Variants in GSAP observed in about 807,000 individuals in gnomAD.
GSAP encodes the protein gamma-secretase activating protein.
A neutral mutation model predicts 131.7 loss-of-function variants in GSAP; 118 were observed. That is an observed-to-expected ratio of 0.90 (90% CI 0.77 to 1.04). The LOEUF (loss-of-function observed/expected upper bound fraction) is 1.04, where lower values mean the gene tolerates loss of function less well. GSAP is among the 50% of genes least tolerant of loss of function. The pLI is 0.00. For synonymous variants in GSAP, 381 were observed against 363.4 expected, an observed-to-expected ratio of 1.05 and a Z score of -0.55; for missense variants, 1,019 against 1,013.2, an observed-to-expected ratio of 1.01 and a Z score of -0.08.
chr7:77,335,225 A>C (rs374922545), intron 19 of GSAP, among the ~76,000 whole-genome samples: 79 of 152,038 alleles, frequency 5.2e-4, no homozygotes, highest in African/African-American at 1.5e-3. Flanking sequence ...CATGGTGAAA[A>C]CCCGGCTCTA....
chr7:77,323,395 C>T (rs1787918224), intron 24 of GSAP, among the ~76,000 whole-genome samples: 1 of 152,214 alleles, frequency 6.6e-6, no homozygotes, highest in African/African-American at 2.4e-5. Context: ...AATTCATTGT[C>T]CTATGCATCC....
chr7:77,346,859 C>A (rs1791960336), intron 19 of GSAP, among the ~76,000 whole-genome samples: 1 of 114,588 alleles, frequency 8.7e-6, no homozygotes, highest in South Asian at 3.0e-4. Flanking sequence ...GGGACCAGGA[C>A]TAGTCTCGGG....
At chr7:77,318,028 A>G (rs1400523909) in intron 26 of GSAP, among the ~76,000 whole-genome samples, 1 of 152,224 alleles carries the variant, frequency 6.6e-6, no homozygotes, top group African/African-American at 2.4e-5. Flanking sequence ...TCATAAATGC[A>G]GAGCAGCATA....
intron 6 of GSAP, among the ~76,000 whole-genome samples, chr7:77,385,659 A>G (rs1798458715): frequency 6.6e-6 from 1 of 152,134 alleles, no homozygotes; most frequent in African/African-American, 2.4e-5. Context: ...GCAGCTTGGG[A>G]GCTTCAGGCC....
chr7:77,315,510 T>C (rs1794873998), intron 26 of GSAP: 1 of 152,126 alleles, frequency 6.6e-6, no homozygotes, highest in African/African-American at 2.4e-5. Context: ...TACAAAAGTA[T>C]GGGGTGGGAA....
rs571148331 is a variant in GSAP, at chr7:77,311,553, G to A, written c.2474-104C>T. ...TCATTAAAATCATAATTGTATTTTA[G>A]TAAAATGAATTTTTTAAGAATGTGT... On this transcript the variant is annotated intron_variant, in intron 30 of 30. Coordinates refer to ENST00000257626, the MANE Select transcript of GSAP (RefSeq NM_017439.4). 15 of 633,736 alleles carry A rather than the reference G, an allele frequency of 2.4e-5. No individual in the cohort carries two copies. The Admixed American group carries it at 4.3e-4, about 18-fold the overall frequency. 39.3% of individuals were successfully genotyped at this position (633,736 alleles called of 1,614,324 possible).
At chr7:77,410,440 A>G (rs1247876026) in intron 1 of GSAP, among the ~76,000 whole-genome samples, 1 of 152,230 alleles carries the variant, frequency 6.6e-6, no homozygotes, top group Non-Finnish European at 1.5e-5. Flanking sequence ...CCAGTAGTTC[A>G]TCACTGGAAA....
At chr7:77,336,729 T>C (rs113852858) in intron 19 of GSAP, among the ~76,000 whole-genome samples, 30,575 of 152,082 alleles carry the variant, frequency 0.2, 3,277 homozygotes, top group African/African-American at 0.23. Flanking sequence ...CTCAGGTGAT[T>C]CACCCGCCTA....
rs750592817 is a variant in GSAP at position 77,312,079 on chromosome 7, C to T, written c.2373+22G>A. On this transcript the variant is annotated intron_variant, in intron 29 of 30. Coordinates refer to ENST00000257626, the MANE Select transcript of GSAP (RefSeq NM_017439.4). ...CAGGATCCTAAAAACATTTAGTTGG[C>T]TGTGCTTTCAGAGAAACTCACCTGT... 1.0e-5 allele frequency: 15 copies of T among 1,481,714 alleles called. No homozygotes were observed. The South Asian group carries it at 1.8e-4, about 18-fold the overall frequency. The allele number at this position is 1,481,714 out of a possible 1,614,324, so 91.8% of individuals were successfully genotyped here.
chr7:77,372,199 G>T (rs1175698132), intron 12 of GSAP, among the ~76,000 whole-genome samples: 1 of 152,120 alleles, frequency 6.6e-6, no homozygotes, highest in African/African-American at 2.4e-5. Flanking sequence ...TCCAGAACGT[G>T]GATCATTCTA....
chr7:77,382,759 G>C (rs187013283), intron 6 of GSAP, 116 bp from the exon 7 acceptor site: 16 of 605,742 alleles, frequency 2.6e-5, no homozygotes, highest in Admixed American at 6.9e-5. Context: ...GGGAATCACA[G>C]AAGAGTTTAG....
intron 1 of GSAP, among the ~76,000 whole-genome samples, chr7:77,414,206 T>G (rs1330402052): frequency 1.3e-5 from 2 of 152,250 alleles, no homozygotes; most frequent in Non-Finnish European, 2.9e-5. Flanking sequence ...AGAAAGCAAG[T>G]ATGCATAGAG....
At chr7:77,362,728 C>G in intron 12 of GSAP, 68 bp from the exon 13 acceptor site, 1 of 847,276 alleles carries the variant, frequency 1.2e-6, no homozygotes, top group Non-Finnish European at 2.0e-6. Context: ...TCCTAAACCA[C>G]TTAAACTTAC....
chr7:77,329,375 C>G lies in GSAP; in HGVS notation c.1691G>C (p.Arg564Thr), dbSNP rs200182880. The G allele has an allele frequency of 8.1e-5, 128 of 1,583,782 alleles. No homozygotes were observed. In the African/African-American group the frequency reaches 1.4e-3, roughly 17 times the overall value. ...LISEEKTGKR[R>T]SAAYVRNILD... ...AATATTCCTCACGTATGCCGCAGAC[C>G]TTCTTTTTCCTGTTTTCTAGGAGTG... The change falls in exon 21 of 31, where the codon AGG becomes ACG. Residue 564 changes from arginine (R) to threonine (T), a missense_variant. Physicochemically the swap from Arg to Thr is moderately conservative, Grantham distance 71. Coordinates refer to ENST00000257626, the MANE Select transcript of GSAP (RefSeq NM_017439.4).
At chr7:77,389,031 C>G (rs1415015190) in intron 5 of GSAP, among the ~76,000 whole-genome samples, 3 of 151,802 alleles carry the variant, frequency 2.0e-5, no homozygotes, top group Non-Finnish European at 4.4e-5. Flanking sequence ...CTTGATGACT[C>G]AAAAAATGGC....
At chr7:77,334,200 C>G (rs1789592261) in intron 19 of GSAP, among the ~76,000 whole-genome samples, 1 of 152,002 alleles carries the variant, frequency 6.6e-6, no homozygotes, top group South Asian at 2.1e-4. Flanking sequence ...TTGACTGGAT[C>G]AAGAAAATGT....
At chr7:77,352,863 G>T in intron 18 of GSAP, 81 bp downstream of exon 18, 2 of 768,616 alleles carry the variant, frequency 2.6e-6, no homozygotes, top group Non-Finnish European at 2.2e-6. Flanking sequence ...GACCTTGATG[G>T]CTATAAGAGA....
chr7:77,387,068 A>G (rs1240600889), intron 6 of GSAP, among the ~76,000 whole-genome samples: 1 of 152,258 alleles, frequency 6.6e-6, no homozygotes, highest in African/African-American at 2.4e-5. Flanking sequence ...TCAACCATGC[A>G]AATACATTAT....
At chr7:77,415,894 G>A in intron 1 of GSAP, 1 of 281,412 alleles carries the variant, frequency 3.6e-6, no homozygotes, top group Non-Finnish European at 6.7e-6. Flanking sequence ...ACGACCCTCT[G>A]CCCTCGCCGT....
Sources: gnomAD v4.1 joint callset for allele counts (sites outside exome capture counted in the v4.1 genomes callset) on GRCh38, gnomAD v4.1.1 for gene constraint, MANE v1.5 for transcripts, NCBI Gene and HGNC (gene_info 2026-07-23, HGNC 2026-07-21) for gene names.